The following BDH2 variants were observed in gnomAD, a reference collection of about 807,000 sequenced individuals.
BDH2 encodes dehydrogenase/reductase SDR family member 6.
In BDH2, 24 loss-of-function variants were observed where a neutral mutation model predicts 33.2. That is an observed-to-expected ratio of 0.72 (90% CI 0.52 to 1.02). The LOEUF (loss-of-function observed/expected upper bound fraction) is 1.02, where lower values mean the gene tolerates loss of function less well. Ranked by LOEUF, BDH2 falls within the 50% of genes least tolerant of loss-of-function variation. The pLI, the probability that BDH2 is intolerant of heterozygous loss-of-function variation, is 0.00. For missense variants in BDH2, 249 were observed against 301.6 expected (o/e 0.83, Z 1.29); for synonymous variants, 81 against 101.6 (o/e 0.80, Z 1.22).
rs1400291364 is a variant in BDH2 at position 103,078,083 on chromosome 4, G to A, written c.*1619C>T. On this transcript the variant is annotated 3_prime_UTR_variant, in exon 10 of 10. Transcript: ENST00000296424. Reference sequence around the variant, plus strand: ...TTTCCATGTTAATATTAAAGTTCTAGGAAAAAAGGCTAAGAATCACTGCAC... The same window carrying A: ...TTTCCATGTTAATATTAAAGTTCTAAGAAAAAAGGCTAAGAATCACTGCAC... Among the ~76,000 whole-genome samples the A allele has an allele frequency of 6.6e-6, 1 of 151,896 alleles. No individual in the cohort carries two copies. Among genetic ancestry groups the A allele is most frequent in the African/African-American group, 2.4e-5 (1 of 41,362 alleles).
chr4:103,080,558 C>T (rs1282015690), intron 9 of BDH2, among the ~76,000 whole-genome samples: 2 of 152,122 alleles, frequency 1.3e-5, no homozygotes, highest in African/African-American at 4.8e-5. Flanking sequence ...TTTAAGAGTT[C>T]AATAGATAAA....
rs1747312087 is a variant in BDH2, at chr4:103,077,878, AGC to A, written c.*1822_*1823del. On this transcript the variant is annotated 3_prime_UTR_variant, in exon 10 of 10. Transcript: ENST00000296424. Reference sequence around the variant, plus strand: ...TTGGTCTAGATCACAAACCAAAGTTAGCCATAATTCGGTAGTGTAGTGCCCGG... The same window carrying A: ...TTGGTCTAGATCACAAACCAAAGTTACATAATTCGGTAGTGTAGTGCCCGG... Among the ~76,000 whole-genome samples, 1 of 152,260 alleles carries A rather than the reference AGC, an allele frequency of 6.6e-6. No individual in the cohort carries two copies. The highest frequency in any genetic ancestry group is 1.5e-5 in the Non-Finnish European group (1 of 68,046).
chr4:103,092,053 T>G (rs1578507784), intron 4 of BDH2, among the ~76,000 whole-genome samples: 1 of 152,362 alleles, frequency 6.6e-6, no homozygotes, highest in South Asian at 2.1e-4. Context: ...GAACCCTTAC[T>G]GATTTGGTCC....
intron 4 of BDH2, chr4:103,091,809 A>G: frequency 2.2e-6 from 1 of 452,650 alleles, no homozygotes. Flanking sequence ...CTATTTCAAG[A>G]GCAACAGTGC....
intron 1 of BDH2, chr4:103,098,624 C>T (rs1047367179): frequency 1.2e-4 from 18 of 152,282 alleles, no homozygotes; most frequent in African/African-American, 4.3e-4. Flanking sequence ...GGATGACTGG[C>T]TAGAGAAGCT....
rs1054707 is a variant in BDH2, at chr4:103,092,639, T to C, written c.209A>G (p.Asn70Ser). ...TKKKQIDQFA[N>S]EVERLDVLFN... The stretch of plus-strand genomic sequence containing the variant: ...GAGAACATCAAGTCTCTCAACTTCA[T>C]TGGCAAACTGATCAATTTGTTTCTT... The change falls in exon 4 of 10, where the codon AAT becomes AGT. Residue 70 changes from asparagine (N) to serine (S), a missense_variant. Asn to Ser is a conservative substitution (Grantham distance 46). Transcript: ENST00000296424. The C allele has an allele frequency of 0.16, 255,869 of 1,611,302 alleles. 21,524 individuals carry two copies. Among genetic ancestry groups the C allele is most frequent in the South Asian group, 0.26 (24,098 of 90,964 alleles).
rs775886942 is a variant in BDH2 at position 103,079,662 on chromosome 4, G to A, written c.*40C>T. The A allele has an allele frequency of 2.5e-6, 4 of 1,592,316 alleles. No homozygotes were observed. The highest frequency in any genetic ancestry group is 8.6e-7 in the Non-Finnish European group (1 of 1,160,984). ...TTCGTAACCAGGTTCACTGTGGATA[G>A]GAAGGGCCTGCCTTCCTTCCCACCA... On this transcript the variant is annotated 3_prime_UTR_variant, in exon 10 of 10. Coordinates refer to ENST00000296424, the MANE Select transcript of BDH2 (RefSeq NM_020139.4).
chr4:103,097,174 C>T (rs574713247), intron 1 of BDH2, among the ~76,000 whole-genome samples: 2 of 152,102 alleles, frequency 1.3e-5, no homozygotes, highest in African/African-American at 4.8e-5. Context: ...GAAACATGCC[C>T]AATGTCATAG....
At chr4:103,085,599 T>G in intron 6 of BDH2, 137 bp from the exon 7 acceptor site, 1 of 1,449,444 alleles carries the variant, frequency 6.9e-7, no homozygotes, top group Non-Finnish European at 9.3e-7. Flanking sequence ...AAGATTGATA[T>G]CAGATTTTTT....
chr4:103,087,127 T>C (rs1415555981), intron 5 of BDH2, among the ~76,000 whole-genome samples: 2 of 152,002 alleles, frequency 1.3e-5, no homozygotes, highest in Admixed American at 6.6e-5. Flanking sequence ...TTTTGAACAC[T>C]AGAGTATTAG....
At chr4:103,079,968 T>C (rs1411628758) in intron 9 of BDH2, among the ~76,000 whole-genome samples, 1 of 152,228 alleles carries the variant, frequency 6.6e-6, no homozygotes, top group African/African-American at 2.4e-5. Context: ...GGCCTCTGGC[T>C]GGTGTCTAAG....
chr4:103,092,389 C>T (rs1748148720), intron 4 of BDH2: 1 of 567,764 alleles, frequency 1.8e-6, no homozygotes, highest in Admixed American at 3.1e-5. Flanking sequence ...CTTGAGTAGA[C>T]CTCATTTGCC....
intron 7 of BDH2, 35 bp downstream of exon 7, chr4:103,085,314 A>G: frequency 2.0e-6 from 3 of 1,531,850 alleles, no homozygotes; most frequent in Non-Finnish European, 1.8e-6. Context: ...TGTTTCAGTA[A>G]AACTTTGCTT....
chr4:103,093,557 ATATAT>A (rs1477476106), intron 3 of BDH2, among the ~76,000 whole-genome samples: 19 of 148,468 alleles, frequency 1.3e-4, no homozygotes, highest in Non-Finnish European at 2.2e-4. Flanking sequence ...TGTGCATAAT[ATATAT>A]TATAACATAT....
chr4:103,091,342 T>C, intron 4 of BDH2, 57 bp from the exon 5 acceptor site: 1 of 1,141,370 alleles, frequency 8.8e-7, no homozygotes, highest in Non-Finnish European at 1.3e-6. Flanking sequence ...TTCTATTCCA[T>C]CTGCTGATTA....
chr4:103,085,332 A>T lies in BDH2; in HGVS notation c.532+17T>A. ...TTCAGTAAAACTTTGCTTACAAAAC[A>T]GGTGTGCCTTACTCACCTGGGCACA... On this transcript the variant is annotated intron_variant, in intron 7 of 9. Coordinates refer to ENST00000296424, the MANE Select transcript of BDH2 (RefSeq NM_020139.4). 1 of 1,586,776 alleles carries T rather than the reference A, an allele frequency of 6.3e-7. No homozygotes were observed. Among genetic ancestry groups the T allele is most frequent in the South Asian group, 1.1e-5 (1 of 88,710 alleles).
At chr4:103,095,994 C>A (rs1748385256) in intron 2 of BDH2, among the ~76,000 whole-genome samples, 189 bp downstream of exon 2, 1 of 152,188 alleles carries the variant, frequency 6.6e-6, no homozygotes, top group African/African-American at 2.4e-5. Context: ...TTCATTCCTT[C>A]ATCTGCCTGG....
chr4:103,083,672 C>CT (rs35337713), intron 7 of BDH2, among the ~76,000 whole-genome samples: 79 of 152,116 alleles, frequency 5.2e-4, no homozygotes, highest in African/African-American at 1.8e-3. Context: ...TTAGAGGGCC[C>CT]TTTTTCAGAC....
intron 3 of BDH2, among the ~76,000 whole-genome samples, chr4:103,093,920 C>T (rs982482466): frequency 2.4e-4 from 36 of 152,156 alleles, no homozygotes; most frequent in African/African-American, 7.5e-4. Flanking sequence ...TTTACTTTGA[C>T]TTGTTTGAAT....
Sources: allele counts gnomAD v4.1 joint callset (sites outside exome capture counted in the v4.1 genomes callset), GRCh38; gene constraint gnomAD v4.1.1; transcripts MANE v1.5; gene names NCBI Gene and HGNC (gene_info 2026-07-23, HGNC 2026-07-21).